UTRN: variants seen among roughly 807,000 people sequenced by gnomAD.
UTRN encodes utrophin, also known as dystrophin-related protein 1.
In UTRN, 283 loss-of-function variants were observed where a neutral mutation model predicts 463.9. The ratio of observed to expected loss-of-function variants is 0.61; its 90% CI spans 0.55 to 0.67. The LOEUF (loss-of-function observed/expected upper bound fraction) is 0.67. Among genes scored for constraint, UTRN ranks in the 30% least tolerant of loss-of-function variants. UTRN has a pLI of 0.00. For synonymous variants in UTRN, 1,442 were observed against 1,431.5 expected, an observed-to-expected ratio of 1.01 and a Z score of -0.17; for missense variants, 3,922 against 4,084.3, an observed-to-expected ratio of 0.96 and a Z score of 1.08.
At chr6:144,850,490 C>T (rs961983230) in intron 74 of UTRN, among the ~76,000 whole-genome samples, 4 of 151,990 alleles carry the variant, frequency 2.6e-5, no homozygotes, top group Admixed American at 2.6e-4. Context: ...ATGAGTGTGG[C>T]CTGGATTTAT....
At chr6:144,465,927 A>G (rs1789914395) in intron 23 of UTRN, among the ~76,000 whole-genome samples, 1 of 152,232 alleles carries the variant, frequency 6.6e-6, no homozygotes, top group Non-Finnish European at 1.5e-5. Flanking sequence ...ATTTTTCATT[A>G]CATGAGTAGT....
At chr6:144,427,388 C>G (rs1396616375) in intron 7 of UTRN, among the ~76,000 whole-genome samples, 1 of 152,122 alleles carries the variant, frequency 6.6e-6, no homozygotes, top group East Asian at 1.9e-4. Flanking sequence ...ATAGACTTTT[C>G]TACGTCTTAT....
chr6:144,671,898 T>C (rs1043400964), intron 51 of UTRN, among the ~76,000 whole-genome samples: 3 of 151,860 alleles, frequency 2.0e-5, no homozygotes, highest in African/African-American at 7.2e-5. Context: ...TTGCTTTTTC[T>C]GTGGCTATTG....
intron 3 of UTRN, among the ~76,000 whole-genome samples, chr6:144,419,475 T>C (rs1386625806): frequency 6.6e-6 from 1 of 152,162 alleles, no homozygotes; most frequent in African/African-American, 2.4e-5. Context: ...TGCTAAAAAT[T>C]ATGAGTTGGC....
intron 2 of UTRN, among the ~76,000 whole-genome samples, chr6:144,297,588 G>T (rs1804839389): frequency 6.6e-6 from 1 of 152,098 alleles, no homozygotes; most frequent in Non-Finnish European, 1.5e-5. Flanking sequence ...GCTTTCCTTG[G>T]CTGGAATACC....
At chr6:144,622,184 G>GTGTTT (rs1775467784) in intron 51 of UTRN, among the ~76,000 whole-genome samples, 1 of 88,202 alleles carries the variant, frequency 1.1e-5, no homozygotes, top group Non-Finnish European at 2.1e-5. Flanking sequence ...TTTTTTTGTT[G>GTGTTT]TTTTTTTTTT....
chr6:144,733,309 G>A (rs954037871), intron 54 of UTRN, among the ~76,000 whole-genome samples: 7 of 152,094 alleles, frequency 4.6e-5, no homozygotes, highest in Non-Finnish European at 7.4e-5. Flanking sequence ...ATGAGGTCAG[G>A]AGATGGAGAC....
chr6:144,601,208 T>G (rs922313807), intron 51 of UTRN, among the ~76,000 whole-genome samples: 1 of 152,212 alleles, frequency 6.6e-6, no homozygotes, highest in Non-Finnish European at 1.5e-5. Context: ...CGAGATGATA[T>G]TTTGATTTTC....
chr6:144,541,986 G>A (rs1798014255), intron 45 of UTRN, among the ~76,000 whole-genome samples: 1 of 152,166 alleles, frequency 6.6e-6, no homozygotes, highest in Admixed American at 6.5e-5. Context: ...GGAAGGCTGA[G>A]GGATGTTCTC....
At chr6:144,633,330 C>A (rs1776741276) in intron 51 of UTRN, among the ~76,000 whole-genome samples, 1 of 151,158 alleles carries the variant, frequency 6.6e-6, no homozygotes, top group Non-Finnish European at 1.5e-5. Context: ...CCCGGGTTCA[C>A]GCCATTCTCC....
chr6:144,380,494 T>C (rs904388644), intron 2 of UTRN, among the ~76,000 whole-genome samples: 4 of 151,800 alleles, frequency 2.6e-5, no homozygotes, highest in Non-Finnish European at 5.9e-5. Flanking sequence ...TAAAGAAAAA[T>C]AATGAAAATA....
chr6:144,449,280 G>A (rs1001403293), intron 17 of UTRN, among the ~76,000 whole-genome samples: 4 of 152,062 alleles, frequency 2.6e-5, no homozygotes, highest in African/African-American at 9.7e-5. Flanking sequence ...CCCAATAATC[G>A]AGGGCCTTAA....
At chr6:144,751,725 A>G in intron 55 of UTRN, 81 bp from the exon 56 acceptor site, 1 of 1,380,268 alleles carries the variant, frequency 7.2e-7, no homozygotes, top group Middle Eastern at 2.0e-4. Context: ...TGCAGTTCAG[A>G]CCTAAGTTAT....
At chr6:144,836,272 C>A (rs2128760528) in intron 70 of UTRN, 29 bp from the exon 71 acceptor site, 2 of 1,613,382 alleles carry the variant, frequency 1.2e-6, no homozygotes, top group South Asian at 2.2e-5. Context: ...ACGTGGTAGT[C>A]ATTCTGTTTC....
At chr6:144,435,770 C>T (rs1388501034) in intron 9 of UTRN, among the ~76,000 whole-genome samples, 165 bp from the exon 10 acceptor site, 2 of 152,184 alleles carry the variant, frequency 1.3e-5, no homozygotes, top group African/African-American at 4.8e-5. Context: ...TGCACTTACT[C>T]AATGCTTCTA....
intron 51 of UTRN, among the ~76,000 whole-genome samples, chr6:144,621,309 AC>A (rs1775352892): frequency 6.6e-6 from 1 of 152,226 alleles, no homozygotes; most frequent in Non-Finnish European, 1.5e-5. Context: ...GCTAATGTGA[AC>A]AAACCATACT....
intron 51 of UTRN, among the ~76,000 whole-genome samples, chr6:144,628,880 G>A (rs1225756411): frequency 6.6e-6 from 1 of 152,120 alleles, no homozygotes; most frequent in Non-Finnish European, 1.5e-5. Context: ...AGGTTCTGGA[G>A]TTGAGGGCTG....
chr6:144,722,618 A>C (rs1787325575), intron 53 of UTRN, among the ~76,000 whole-genome samples: 2 of 152,194 alleles, frequency 1.3e-5, no homozygotes, highest in South Asian at 4.1e-4. Context: ...TTGCTGTGTA[A>C]CATAGGAACC....
intron 43 of UTRN, 121 bp from the exon 44 acceptor site, chr6:144,537,456 TTAAAA>T (rs575152451): frequency 9.3e-5 from 50 of 538,892 alleles, no homozygotes; most frequent in African/African-American, 8.4e-4. Context: ...AAAATATATA[TTAAAA>T]TAATTATTAG....
Sources: allele counts gnomAD v4.1 joint callset (sites outside exome capture counted in the v4.1 genomes callset), GRCh38; gene constraint gnomAD v4.1.1; transcripts MANE v1.5; gene names NCBI Gene and HGNC (gene_info 2026-07-23, HGNC 2026-07-21).